The following PTPRK variants were observed in gnomAD, a reference collection of about 807,000 sequenced individuals.
PTPRK encodes the protein protein tyrosine phosphatase receptor type K.
PTPRK carries 75 observed loss-of-function variants against 178.0 expected under a neutral mutation model. That is an observed-to-expected ratio of 0.42 (90% CI 0.35 to 0.51). The LOEUF (loss-of-function observed/expected upper bound fraction) is 0.51, where lower values mean the gene tolerates loss of function less well. Ranked by LOEUF, PTPRK falls within the 20% of genes least tolerant of loss-of-function variation. PTPRK has a pLI of 0.02. For missense variants in PTPRK, 1,441 were observed against 1,797.8 expected, an observed-to-expected ratio of 0.80 and a Z score of 3.59; for synonymous variants, 637 against 620.6, an observed-to-expected ratio of 1.03 and a Z score of -0.39.
chr6:127,976,586 T>A (rs1201595701), intron 27 of PTPRK, 71 bp downstream of exon 27: 2 of 1,567,046 alleles, frequency 1.3e-6, no homozygotes, highest in East Asian at 2.2e-5. Context: ...GTTGTCTGAA[T>A]AAAATTATAC....
chr6:128,493,656 A>C (rs1300048353), intron 1 of PTPRK, among the ~76,000 whole-genome samples: 2 of 150,782 alleles, frequency 1.3e-5, no homozygotes, highest in African/African-American at 2.4e-5. Flanking sequence ...AGAAACAACT[A>C]TACTTATACT....
At chr6:128,292,456 A>T (rs1823544081) in intron 3 of PTPRK, among the ~76,000 whole-genome samples, 1 of 152,122 alleles carries the variant, frequency 6.6e-6, no homozygotes, top group African/African-American at 2.4e-5. Flanking sequence ...CAAAACTAAA[A>T]ATTAATATGT....
intron 3 of PTPRK, among the ~76,000 whole-genome samples, chr6:128,253,036 T>C (rs750123060): frequency 6.6e-6 from 1 of 152,064 alleles, no homozygotes; most frequent in Non-Finnish European, 1.5e-5. Flanking sequence ...GACCACAGTA[T>C]AAGGTATGCC....
At chr6:128,171,489 C>T (rs904031158) in intron 7 of PTPRK, among the ~76,000 whole-genome samples, 1 of 151,964 alleles carries the variant, frequency 6.6e-6, no homozygotes, top group Non-Finnish European at 1.5e-5. Context: ...TTTCTCACTC[C>T]AGACTCTTTA....
chr6:128,298,826 C>A (rs1824991187), intron 3 of PTPRK, among the ~76,000 whole-genome samples: 1 of 152,146 alleles, frequency 6.6e-6, no homozygotes, highest in Non-Finnish European at 1.5e-5. Context: ...GGGATGCCCT[C>A]TCTCACCACT....
chr6:128,204,907 T>C (rs976184174), intron 6 of PTPRK, among the ~76,000 whole-genome samples: 1 of 152,190 alleles, frequency 6.6e-6, no homozygotes, highest in Non-Finnish European at 1.5e-5. Flanking sequence ...GAAATCCCTC[T>C]ACTGGGTATA....
At chr6:128,104,616 A>G (rs1789374913) in intron 7 of PTPRK, among the ~76,000 whole-genome samples, 1 of 152,214 alleles carries the variant, frequency 6.6e-6, no homozygotes, top group African/African-American at 2.4e-5. Context: ...AATAGAATGG[A>G]TCATTGTGTA....
At chr6:128,315,211 C>T (rs1410803837) in intron 3 of PTPRK, among the ~76,000 whole-genome samples, 5 of 152,104 alleles carry the variant, frequency 3.3e-5, no homozygotes, top group Non-Finnish European at 7.4e-5. Flanking sequence ...GATGTTGTTG[C>T]AAAATGCCAG....
chr6:128,314,062 G>C (rs993666935), intron 3 of PTPRK, among the ~76,000 whole-genome samples: 3 of 151,978 alleles, frequency 2.0e-5, no homozygotes, highest in African/African-American at 4.8e-5. Flanking sequence ...TTAGGTCCTT[G>C]GTTTTTTTCT....
chr6:128,477,247 A>T (rs1225313250), intron 1 of PTPRK, among the ~76,000 whole-genome samples: 1 of 152,084 alleles, frequency 6.6e-6, no homozygotes, highest in African/African-American at 2.4e-5. Flanking sequence ...TAGGCAAGAG[A>T]TCTTGAAAAA....
At chr6:128,407,258 C>G (rs1034119838) in intron 1 of PTPRK, among the ~76,000 whole-genome samples, 1 of 152,126 alleles carries the variant, frequency 6.6e-6, no homozygotes, top group Non-Finnish European at 1.5e-5. Flanking sequence ...TTGCTTCAAA[C>G]TCTAGTATAT....
At chr6:128,488,204 G>A (rs1436359478) in intron 1 of PTPRK, among the ~76,000 whole-genome samples, 1 of 152,194 alleles carries the variant, frequency 6.6e-6, no homozygotes, top group Non-Finnish European at 1.5e-5. Flanking sequence ...TTCAAGGGCA[G>A]GAAGCATCCA....
At chr6:128,437,145 A>G (rs901438439) in intron 1 of PTPRK, among the ~76,000 whole-genome samples, 3 of 152,198 alleles carry the variant, frequency 2.0e-5, no homozygotes, top group Admixed American at 2.0e-4. Context: ...TTGAGGGACT[A>G]AGTTAATAGT....
chr6:128,271,395 C>A (rs898771859), intron 3 of PTPRK, among the ~76,000 whole-genome samples: 1 of 152,102 alleles, frequency 6.6e-6, no homozygotes, highest in Non-Finnish European at 1.5e-5. Flanking sequence ...GTTCTTAAAT[C>A]AAGATGAAAG....
intron 7 of PTPRK, among the ~76,000 whole-genome samples, chr6:128,147,389 G>T (rs1302535689): frequency 6.6e-6 from 1 of 151,986 alleles, no homozygotes; most frequent in Non-Finnish European, 1.5e-5. Flanking sequence ...GTACTAAATA[G>T]CAAAACTTTA....
At chr6:128,060,140 A>G (rs1040285861) in intron 13 of PTPRK, among the ~76,000 whole-genome samples, 2 of 152,196 alleles carry the variant, frequency 1.3e-5, no homozygotes, top group African/African-American at 4.8e-5. Context: ...CCAGATATAC[A>G]GTAGTAATGG....
rs562389984 is a variant in PTPRK at position 128,071,817 on chromosome 6, C to T, written c.1884-4025G>A. Among the ~76,000 whole-genome samples, 44 of 152,120 alleles carry T rather than the reference C, an allele frequency of 2.9e-4. 1 individual carries two copies. Among genetic ancestry groups the T allele is most frequent in the Non-Finnish European group, 4.4e-5 (3 of 67,932 alleles). On this transcript the variant is annotated intron_variant, in intron 11 of 29. Transcript: ENST00000368226. ...CACACTAGTCCATGTTTAAAAGAAA[C>T]TATCTTTCCTTCATTGTTCAATCTG... is the stretch of plus-strand genomic sequence containing the variant.
At chr6:128,278,960 A>G (rs1441410774) in intron 3 of PTPRK, among the ~76,000 whole-genome samples, 1 of 152,178 alleles carries the variant, frequency 6.6e-6, no homozygotes, top group Non-Finnish European at 1.5e-5. Flanking sequence ...ATCAGTAATA[A>G]CAGTCCAGGA....
chr6:128,078,675 T>C, intron 11 of PTPRK, 138 bp downstream of exon 11: 2 of 478,578 alleles, frequency 4.2e-6, no homozygotes. Flanking sequence ...AACTTTATCA[T>C]AGGTTTGCAT....
Sources: allele counts gnomAD v4.1 joint callset (sites outside exome capture counted in the v4.1 genomes callset), GRCh38; gene constraint gnomAD v4.1.1; transcripts MANE v1.5; gene names NCBI Gene and HGNC (gene_info 2026-07-23, HGNC 2026-07-21).